The following CERK variants were observed in gnomAD, a reference collection of about 807,000 sequenced individuals.
CERK encodes ceramide kinase, also known as acylsphingosine kinase.
In CERK, 39 loss-of-function variants were observed where a neutral mutation model predicts 63.4. The observed-to-expected ratio is 0.61, with a 90% CI of 0.48 to 0.80. The LOEUF is 0.80. Ranked by LOEUF, CERK falls within the 30% of genes least tolerant of loss-of-function variation. The pLI is 0.00. For synonymous variants in CERK, 302 were observed against 280.0 expected (o/e 1.08, Z -0.78); for missense variants, 670 against 714.1 (o/e 0.94, Z 0.70).
chr22:46,702,295 A>AT (rs35697750), intron 6 of CERK, among the ~76,000 whole-genome samples: 3 of 126,268 alleles, frequency 2.4e-5, no homozygotes, highest in Admixed American at 8.3e-5. Context: ...GCATAACAAA[A>AT]TTTTTTTTTT....
At chr22:46,737,270 C>CA (rs1012421875) in intron 1 of CERK, among the ~76,000 whole-genome samples, 1 of 141,748 alleles carries the variant, frequency 7.1e-6, no homozygotes, top group African/African-American at 2.8e-5. Flanking sequence ...CCAGCCTGGG[C>CA]AACAGAGCAA....
At chr22:46,729,256 T>C (rs568148899) in intron 1 of CERK, among the ~76,000 whole-genome samples, 1 of 152,122 alleles carries the variant, frequency 6.6e-6, no homozygotes, top group South Asian at 2.1e-4. Flanking sequence ...TTCCAGCTAC[T>C]TGAGAGGCTG....
chr22:46,691,515 C>G, intron 11 of CERK, 57 bp downstream of exon 11: 2 of 1,414,096 alleles, frequency 1.4e-6, no homozygotes, highest in Non-Finnish European at 2.0e-6. Context: ...AAACCAGGGA[C>G]TGCTGGAACA....
At chr22:46,726,585 C>T (rs928543179) in intron 1 of CERK, among the ~76,000 whole-genome samples, 6 of 152,316 alleles carry the variant, frequency 3.9e-5, no homozygotes, top group South Asian at 2.1e-4. Context: ...GCAATGCAAA[C>T]GCATTTCCCT....
chr22:46,725,669 G>A (rs758113541), intron 1 of CERK, among the ~76,000 whole-genome samples: 2 of 152,242 alleles, frequency 1.3e-5, no homozygotes, highest in Admixed American at 6.5e-5. Context: ...ACAGTGACTC[G>A]TATTGACATG....
In CERK at chr22:46,725,525, G is replaced by GA. The variant is rs1482854822; in HGVS notation, c.143-4511dup. Among the ~76,000 whole-genome samples the GA allele has an allele frequency of 2.0e-5, 3 of 152,376 alleles. No individual in the cohort carries two copies. The East Asian group carries it at 5.8e-4, about 29-fold the overall frequency. ...TGGACATGCCACAGCATCCGCGGGA[G>GA]AAAACACACCTGACCCAGGTGGACA... is the stretch of plus-strand genomic sequence containing the variant. On this transcript the variant is annotated intron_variant, in intron 1 of 12. Transcript: ENST00000216264.
At chr22:46,702,870 G>T (rs2082794363) in intron 6 of CERK, among the ~76,000 whole-genome samples, 1 of 152,220 alleles carries the variant, frequency 6.6e-6, no homozygotes, top group African/African-American at 2.4e-5. Context: ...ATACCTGTGG[G>T]AGTAGCTGTG....
intron 12 of CERK, among the ~76,000 whole-genome samples, chr22:46,687,641 T>C (rs2082709697): frequency 6.7e-6 from 1 of 149,446 alleles, no homozygotes. Flanking sequence ...GCGAGGAGTC[T>C]GTGCGGGGCG....
At chr22:46,737,878 T>A in intron 1 of CERK, 129 bp downstream of exon 1, 8 of 369,548 alleles carry the variant, frequency 2.2e-5, no homozygotes, top group Non-Finnish European at 2.3e-5. Context: ...CCCTGGCGCC[T>A]GCGCTCCCAG....
Position 46,738,020 on chromosome 22 carries a change from G to A in CERK, c.129C>T (p.Gly43=). 1 of 1,187,846 alleles carries A rather than the reference G, an allele frequency of 8.4e-7. No homozygotes were observed. The highest frequency in any genetic ancestry group is 1.0e-6 in the Non-Finnish European group (1 of 962,858). 73.6% of individuals were successfully genotyped at this position (1,187,846 alleles called of 1,614,324 possible). The change falls in exon 1 of 13, where the codon GGC becomes GGT. Residue 43 remains glycine (G), a synonymous_variant. Coordinates refer to ENST00000216264, the MANE Select transcript of CERK (RefSeq NM_022766.6). The part of the protein sequence containing the change: ...RWWRSPGPGA[G]APGADACSVP... ...GGCGACACTCACCCGCGCCGGGGGC[G>A]CCGGCTCCGGGCCCCGGGCTCCGCC...
chr22:46,687,578 T>TCCCCCC (rs2082709077), intron 12 of CERK, among the ~76,000 whole-genome samples: 1 of 151,418 alleles, frequency 6.6e-6, no homozygotes, highest in Admixed American at 6.6e-5. Flanking sequence ...GTCTGCCCAC[T>TCCCCCC]CCACCCACCC....
In CERK at chr22:46,738,043, G is replaced by A; in HGVS notation, c.106C>T (p.Arg36Trp). The A allele has an allele frequency of 8.3e-7, 1 of 1,210,972 alleles. No individual in the cohort carries two copies. Among genetic ancestry groups the A allele is most frequent in the Non-Finnish European group, 1.0e-6 (1 of 975,204 alleles). The allele number at this position is 1,210,972 out of a possible 1,614,324, so 75.0% of individuals were successfully genotyped here. ...GCGCCGGCTCCGGGCCCCGGGCTCC[G>A]CCACCAGCGCAGCAGAGCCCGCGCG... is the stretch of plus-strand genomic sequence containing the variant. The part of the protein sequence containing the change: ...EPARALLRWW[R>W]SPGPGAGAPG... Residue 36 changes from arginine (R) to tryptophan (W), a missense_variant, in exon 1 of 13, where the codon CGG (arginine) becomes TGG (tryptophan). Arg to Trp is a moderately radical substitution (Grantham distance 101). Transcript: ENST00000216264.
chr22:46,690,074 G>C lies in CERK; in HGVS notation c.1459C>G (p.His487Asp), dbSNP rs1024199898. The C allele has an allele frequency of 1.2e-6, 2 of 1,613,840 alleles. No individual in the cohort carries two copies. The highest frequency in any genetic ancestry group is 1.3e-5 in the African/African-American group (1 of 75,002). Reference sequence around the variant, plus strand: ...GAGACGGTGCAGCAGCAGGAGGGGTGGCTGCTGCAAATGTGCCCAAAGCGC... The same window carrying C: ...GAGACGGTGCAGCAGCAGGAGGGGTCGCTGCTGCAAATGTGCCCAAAGCGC... ...KKRFGHICSS[H>D]PSCCCTVSNS... The change falls in exon 12 of 13, where the codon CAC becomes GAC. Residue 487 changes from histidine to aspartate, a missense_variant. His to Asp is a moderately conservative substitution (Grantham distance 81). Coordinates refer to ENST00000216264, the MANE Select transcript of CERK (RefSeq NM_022766.6).
intron 5 of CERK, among the ~76,000 whole-genome samples, chr22:46,708,769 A>G (rs1389159449): frequency 2.6e-5 from 4 of 152,218 alleles, no homozygotes; most frequent in Non-Finnish European, 5.9e-5. Flanking sequence ...GGCAGAGGAC[A>G]GGGCTCAGGT....
intron 1 of CERK, 89 bp from the exon 2 acceptor site, chr22:46,721,104 T>A: frequency 3.6e-6 from 3 of 831,358 alleles, no homozygotes; most frequent in Non-Finnish European, 6.2e-6. Flanking sequence ...GAGAATATTC[T>A]GCTTTAATAT....
At chr22:46,695,762 GA>G (rs2082753007) in intron 8 of CERK, among the ~76,000 whole-genome samples, 1 of 152,222 alleles carries the variant, frequency 6.6e-6, no homozygotes, top group African/African-American at 2.4e-5. Flanking sequence ...GTGACGTCCT[GA>G]ACAGCTCAGG....
chr22:46,702,218 T>G (rs867410827), intron 6 of CERK, among the ~76,000 whole-genome samples: 2 of 103,782 alleles, frequency 1.9e-5, no homozygotes, highest in African/African-American at 8.6e-5. Flanking sequence ...TAAAAAAATA[T>G]ATATATGTGT....
Position 46,720,228 on chromosome 22 carries a change from C to A in CERK, c.257-20G>T, listed in dbSNP as rs745922380. On this transcript the variant is annotated intron_variant, in intron 2 of 12. Transcript: ENST00000216264. Reference sequence around the variant, plus strand: ...AGTGAACTGCACAGAAGCAAGCATGCTCGTTAGTGCAAAGTTTGCAGGGTC... The same window carrying A: ...AGTGAACTGCACAGAAGCAAGCATGATCGTTAGTGCAAAGTTTGCAGGGTC... The A allele has an allele frequency of 1.3e-6, 2 of 1,598,574 alleles. No individual in the cohort carries two copies. The highest frequency in any genetic ancestry group is 2.2e-5 in the South Asian group (2 of 90,106).
At chr22:46,693,385 GCACA>G in intron 10 of CERK, 38 bp downstream of exon 10, 1 of 1,546,434 alleles carries the variant, frequency 6.5e-7, no homozygotes, top group Non-Finnish European at 8.9e-7. Context: ...CCGCACTCCA[GCACA>G]CACAGTGACA....
Sources: gnomAD v4.1 joint callset for allele counts (sites outside exome capture counted in the v4.1 genomes callset) on GRCh38, gnomAD v4.1.1 for gene constraint, MANE v1.5 for transcripts, NCBI Gene and HGNC (gene_info 2026-07-23, HGNC 2026-07-21) for gene names.